TRMT11: variants seen among roughly 807,000 people sequenced by gnomAD.
TRMT11 encodes the protein tRNA (guanine(10)-N(2))-methyltransferase TRMT11.
TRMT11 carries 53 observed loss-of-function variants against 62.8 expected under a neutral mutation model. That is an observed-to-expected ratio of 0.84 (90% CI 0.68 to 1.06). TRMT11 has a LOEUF of 1.06. Ranked by LOEUF, TRMT11 falls within the 50% of genes least tolerant of loss-of-function variation. The pLI, the probability that TRMT11 is intolerant of heterozygous loss-of-function variation, is 0.00. For synonymous variants in TRMT11, 188 were observed against 190.3 expected (o/e 0.99, Z 0.10); for missense variants, 556 against 553.4 (o/e 1.00, Z -0.05).
At chr6:126,067,490 A>G (rs753161683) in intron 17 of TRMT11, among the ~76,000 whole-genome samples, 3 of 152,156 alleles carry the variant, frequency 2.0e-5, no homozygotes, top group Non-Finnish European at 2.9e-5. Context: ...ATTCATTTAT[A>G]TTGTTGCTTC....
At chr6:126,052,362 A>C (rs1437931496) in intron 16 of TRMT11, among the ~76,000 whole-genome samples, 4 of 152,188 alleles carry the variant, frequency 2.6e-5, no homozygotes, top group Admixed American at 6.5e-5. Context: ...CTTTCCTCTC[A>C]TCCTTTAAAA....
At chr6:126,001,684 A>T (rs1562247472) in intron 7 of TRMT11, among the ~76,000 whole-genome samples, 1 of 152,016 alleles carries the variant, frequency 6.6e-6, no homozygotes, top group African/African-American at 2.4e-5. Flanking sequence ...TCTATTCCTT[A>T]TCCAGTCTCC....
At chr6:126,032,199 A>C (rs1774328378) in intron 12 of TRMT11, among the ~76,000 whole-genome samples, 1 of 152,164 alleles carries the variant, frequency 6.6e-6, no homozygotes, top group African/African-American at 2.4e-5. Context: ...CTGCTTCTGC[A>C]GTTTCTCCCT....
chr6:126,026,670 C>G (rs376712344), intron 12 of TRMT11, among the ~76,000 whole-genome samples: 3 of 152,080 alleles, frequency 2.0e-5, no homozygotes, highest in Non-Finnish European at 4.4e-5. Flanking sequence ...TAGGCGCGAG[C>G]CATCGCGCCC....
intron 17 of TRMT11, among the ~76,000 whole-genome samples, chr6:126,064,573 A>G (rs910495471): frequency 3.3e-5 from 5 of 152,190 alleles, no homozygotes; most frequent in Admixed American, 3.3e-4. Context: ...GATAAAAAAA[A>G]AAGTCACCAC....
the TRMT11 span, among the ~76,000 whole-genome samples, chr6:126,260,367 C>T: frequency 6.6e-6 from 1 of 152,142 alleles, no homozygotes; most frequent in Non-Finnish European, 1.5e-5. Context: ...TAATTTTTCT[C>T]TCTATTATAT....
rs183663743 is a variant in TRMT11 at position 126,091,167 on chromosome 6, G to A, written c.*1438-21699G>A. ...TGCAGTGAGCCGAGATCGCGCCACT[G>A]CACTCCAGCCTGGGTGACAGAGCGA... On this transcript the variant is annotated intron_variant and NMD_transcript_variant, in intron 17 of 22. Coordinates refer to the TRMT11 transcript ENST00000648977. Among the ~76,000 whole-genome samples, 68 of 149,284 alleles carry A rather than the reference G, an allele frequency of 4.6e-4. No individual in the cohort carries two copies. The East Asian group carries it at 5.5e-3, about 12-fold the overall frequency.
At chr6:126,131,581 C>T (rs1777783957) in intron 21 of TRMT11, among the ~76,000 whole-genome samples, 1 of 151,856 alleles carries the variant, frequency 6.6e-6, no homozygotes, top group African/African-American at 2.4e-5. Context: ...GAGACAAATC[C>T]CCTGTTCATC....
chr6:125,990,969 G>C (rs1040974571), intron 1 of TRMT11, among the ~76,000 whole-genome samples: 2 of 151,896 alleles, frequency 1.3e-5, no homozygotes, highest in African/African-American at 4.8e-5. Context: ...TTGGGGGTCC[G>C]GGCGCAGTGG....
At chr6:126,051,306 A>G (rs1406436819) in intron 16 of TRMT11, among the ~76,000 whole-genome samples, 1 of 152,204 alleles carries the variant, frequency 6.6e-6, no homozygotes, top group Non-Finnish European at 1.5e-5. Context: ...GGCAGAGGAC[A>G]TAGCAAAGGA....
chr6:125,988,627 A>G (rs1444380132), intron 1 of TRMT11, among the ~76,000 whole-genome samples: 4 of 152,322 alleles, frequency 2.6e-5, no homozygotes, highest in Admixed American at 2.6e-4. Flanking sequence ...CAGCAGTTGA[A>G]TGGGGAAACT....
chr6:126,195,031 G>C (rs1428854193), intron 1 of TRMT11, among the ~76,000 whole-genome samples: 1 of 152,168 alleles, frequency 6.6e-6, no homozygotes, highest in African/African-American at 2.4e-5. Flanking sequence ...CAGGAGGATT[G>C]CTTGAAACCA....
At position 126,158,005 on chromosome 6, in the gene TRMT11, A is replaced by G. The variant is rs186175745; in HGVS notation, c.*1824-16820A>G. Among the ~76,000 whole-genome samples the G allele has an allele frequency of 1.2e-4, 19 of 152,268 alleles. No homozygotes were observed. In the East Asian group the frequency reaches 3.3e-3, roughly 26 times the overall value. ...GTCAGCCACTCATAAGCCCCTCTAT[A>G]TCCTCTATTCCAATCATAATCCCCT... On this transcript the variant is annotated intron_variant and NMD_transcript_variant, in intron 21 of 22. Transcript: ENST00000648977.
intron 21 of TRMT11, among the ~76,000 whole-genome samples, chr6:126,119,269 T>C (rs1777622558): frequency 6.6e-6 from 1 of 152,098 alleles, no homozygotes; most frequent in Admixed American, 6.6e-5. Context: ...TAAAAGTTCA[T>C]GGTTGCCTAT....
intron 3 of TRMT11, chr6:126,202,022 C>T (rs1220188493): frequency 6.6e-6 from 1 of 152,034 alleles, no homozygotes. Context: ...TGTTTGTATT[C>T]TCCAGAGTCC....
intron 12 of TRMT11, among the ~76,000 whole-genome samples, chr6:126,036,058 C>T (rs1353089792): frequency 1.3e-5 from 2 of 152,088 alleles, no homozygotes; most frequent in East Asian, 3.9e-4. Flanking sequence ...AGCCTCCTTA[C>T]TACTGCAGTT....
At chr6:126,093,479 C>T (rs1430517695) in intron 17 of TRMT11, among the ~76,000 whole-genome samples, 1 of 148,562 alleles carries the variant, frequency 6.7e-6, no homozygotes, top group Admixed American at 6.7e-5. Context: ...CATGTAACTG[C>T]TTTCTTATTA....
At chr6:126,038,113 AGTCCTTACTT>A (rs972447901) in intron 12 of TRMT11, among the ~76,000 whole-genome samples, 5 of 152,068 alleles carry the variant, frequency 3.3e-5, no homozygotes, top group African/African-American at 1.2e-4. Context: ...TCTGAGCAGT[AGTCCTTACTT>A]GTCTGTGAAG....
intron 21 of TRMT11, among the ~76,000 whole-genome samples, chr6:126,152,939 C>G (rs779701410): frequency 6.6e-6 from 1 of 152,080 alleles, no homozygotes; most frequent in Non-Finnish European, 1.5e-5. Flanking sequence ...TTCAGAGACC[C>G]GGAGTCTAAA....
Sources: gnomAD v4.1 joint callset for allele counts (sites outside exome capture counted in the v4.1 genomes callset) on GRCh38, gnomAD v4.1.1 for gene constraint, MANE v1.5 for transcripts, NCBI Gene and HGNC (gene_info 2026-07-23, HGNC 2026-07-21) for gene names.